The following RABL3 variants were observed in gnomAD, a reference collection of about 807,000 sequenced individuals.
RABL3 encodes the protein RAB, member of RAS oncogene family like 3.
In RABL3, 31 loss-of-function variants were observed where a neutral mutation model predicts 31.8. The observed-to-expected ratio is 0.97, with a 90% CI of 0.73 to 1.31. The LOEUF is 1.31. Among genes scored for constraint, RABL3 ranks in the 40% most tolerant of loss-of-function variants. The pLI, the probability that RABL3 is intolerant of heterozygous loss-of-function variation, is 0.00. For missense variants in RABL3, 263 were observed against 279.6 expected (o/e 0.94, Z 0.42); for synonymous variants, 97 against 99.9 (o/e 0.97, Z 0.18).
At chr3:120,702,776 C>T (rs1486904386) in intron 4 of RABL3, among the ~76,000 whole-genome samples, 1 of 152,092 alleles carries the variant, frequency 6.6e-6, no homozygotes, top group Non-Finnish European at 1.5e-5. Flanking sequence ...CCAGGATGGT[C>T]TCGATCTCCT....
intron 1 of RABL3, among the ~76,000 whole-genome samples, chr3:120,735,829 T>C (rs1708953889): frequency 6.6e-6 from 1 of 152,178 alleles, no homozygotes; most frequent in Non-Finnish European, 1.5e-5. Flanking sequence ...GAGTAGGTTG[T>C]TCAGTTTCCA....
At chr3:120,740,475 G>A (rs1252866351) in intron 1 of RABL3, among the ~76,000 whole-genome samples, 1 of 152,088 alleles carries the variant, frequency 6.6e-6, no homozygotes, top group Non-Finnish European at 1.5e-5. Flanking sequence ...ATGTTGCCCA[G>A]GCTAGTCTTG....
At chr3:120,705,949 A>C (rs368941948) in intron 4 of RABL3, 51 bp downstream of exon 4, 5 of 1,045,238 alleles carry the variant, frequency 4.8e-6, no homozygotes, top group Non-Finnish European at 7.6e-6. Flanking sequence ...TCAGGGAAGT[A>C]CATTCCTGTG....
chr3:120,691,136 A>T (rs1708375508), intron 6 of RABL3, among the ~76,000 whole-genome samples: 1 of 152,192 alleles, frequency 6.6e-6, no homozygotes, highest in Admixed American at 6.5e-5. Context: ...CATCACCATT[A>T]TTGAAAAGAA....
chr3:120,730,171 G>C (rs779770553), intron 2 of RABL3, among the ~76,000 whole-genome samples: 1 of 152,210 alleles, frequency 6.6e-6, no homozygotes, highest in African/African-American at 2.4e-5. Context: ...TCAAAGGAGA[G>C]AGGTGTGCCA....
intron 1 of RABL3, among the ~76,000 whole-genome samples, chr3:120,734,051 C>T (rs4676827): frequency 0.74 from 112,601 of 152,044 alleles, 42,581 homozygotes; most frequent in East Asian, 0.97. Flanking sequence ...TTTGGTTCCA[C>T]GTGAACTTTA....
chr3:120,731,936 G>A (rs1260451543), intron 1 of RABL3, among the ~76,000 whole-genome samples: 2 of 152,116 alleles, frequency 1.3e-5, no homozygotes, highest in African/African-American at 2.4e-5. Context: ...GCCTGCGTCT[G>A]TAGTCCTAGC....
At position 120,705,938 on chromosome 3, in the gene RABL3, T is replaced by C. The variant is rs566375676; in HGVS notation, c.383+62A>G. The C allele has an allele frequency of 1.0e-5, 10 of 955,334 alleles. No individual in the cohort carries two copies. The African/African-American group carries it at 1.1e-4, about 11-fold the overall frequency. The allele number at this position is 955,334 out of a possible 1,614,324, so 59.2% of individuals were successfully genotyped here. ...AAATCAAACATTTTACAAAGTGTTA[T>C]TCAGGGAAGTACATTCCTGTGATTG... On this transcript the variant is annotated intron_variant, in intron 4 of 7. Transcript: ENST00000273375.
At position 120,685,432 on chromosome 3, in the gene RABL3, GA is replaced by G. The variant is rs1361231429; in HGVS notation, c.*4390del. 6.6e-6 allele frequency among the ~76,000 whole-genome samples: 1 copy of G among 152,192 alleles called. No individual in the cohort carries two copies. Among genetic ancestry groups the G allele is most frequent in the African/African-American group, 2.4e-5 (1 of 41,456 alleles). On this transcript the variant is annotated 3_prime_UTR_variant, in exon 8 of 8. Transcript: ENST00000273375. ...TAAAGCTTAGTGATTAGCCAGCTGA[GA>G]AAACACAGTACTAGAGAGGGGGCTG...
chr3:120,723,777 T>A (rs986891509), intron 2 of RABL3, among the ~76,000 whole-genome samples: 7 of 152,082 alleles, frequency 4.6e-5, no homozygotes, highest in Non-Finnish European at 1.0e-4. Context: ...CTCAATAAAT[T>A]AGGTATTGAT....
chr3:120,717,843 T>TA (rs1042304544), intron 2 of RABL3, among the ~76,000 whole-genome samples: 1 of 152,164 alleles, frequency 6.6e-6, no homozygotes, highest in African/African-American at 2.4e-5. Context: ...AACTAACTAG[T>TA]AATCTCATGT....
rs1265592282 is a variant in RABL3, at chr3:120,689,154, C to T, written c.*669G>A. ...TTTTTCACATCATTTTACCAGAATT[C>T]TTTTTTTCTGGTATTGCTGTTCTCT... On this transcript the variant is annotated 3_prime_UTR_variant, in exon 8 of 8. Transcript: ENST00000273375. 6.6e-6 allele frequency: 1 copy of T among 152,042 alleles called. No individual in the cohort carries two copies. Among genetic ancestry groups the T allele is most frequent in the Non-Finnish European group, 1.5e-5 (1 of 68,006 alleles). 9.4% of individuals were successfully genotyped at this position (152,042 alleles called of 1,614,324 possible).
chr3:120,742,120 C>T (rs1224558834), intron 1 of RABL3, among the ~76,000 whole-genome samples: 2 of 151,584 alleles, frequency 1.3e-5, no homozygotes, highest in African/African-American at 4.9e-5. Context: ...CTTCTGTACC[C>T]TTAACATAGA....
intron 2 of RABL3, among the ~76,000 whole-genome samples, chr3:120,725,763 C>T (rs1215883271): frequency 6.6e-6 from 1 of 152,120 alleles, no homozygotes; most frequent in Non-Finnish European, 1.5e-5. Flanking sequence ...CACATGGACA[C>T]AGGAAGGCGA....
At chr3:120,713,177 C>T (rs1708631313) in intron 2 of RABL3, among the ~76,000 whole-genome samples, 1 of 152,206 alleles carries the variant, frequency 6.6e-6, no homozygotes, top group African/African-American at 2.4e-5. Context: ...TTAGCCAGCA[C>T]CTTTCAGGCT....
chr3:120,732,494 T>C (rs568623832), intron 1 of RABL3, among the ~76,000 whole-genome samples: 357 of 152,348 alleles, frequency 2.3e-3, no homozygotes, highest in Non-Finnish European at 4.1e-3. Flanking sequence ...AATGATGCCA[T>C]CTGTTGATTT....
chr3:120,730,787 C>A lies in RABL3; in HGVS notation c.47G>T (p.Gly16Val), dbSNP rs749749525. 6.8e-6 allele frequency: 11 copies of A among 1,606,508 alleles called. No homozygotes were observed. The highest frequency in any genetic ancestry group is 2.6e-6 in the Non-Finnish European group (3 of 1,173,274). ...RVKVLVLGDS[G>V]VGKSSLVHLL... is the part of the protein sequence containing the mutation. ...ATGGACTAACGAAGATTTCCCAACA[C>A]CTGTAAGAGATACAAGAACTCTAGT... is the stretch of plus-strand genomic sequence containing the variant. Residue 16 changes from glycine to valine, a missense_variant and splice_region_variant, in exon 2 of 8, where the codon GGT becomes GTT. Transcript: ENST00000273375.
chr3:120,737,081 C>T (rs964676575), intron 1 of RABL3, among the ~76,000 whole-genome samples: 19 of 152,158 alleles, frequency 1.2e-4, no homozygotes, highest in African/African-American at 2.4e-4. Flanking sequence ...TGCCTTGCTA[C>T]GTTGGGGAAC....
intron 2 of RABL3, among the ~76,000 whole-genome samples, chr3:120,728,506 A>G (rs1429558191): frequency 6.6e-6 from 1 of 152,156 alleles, no homozygotes; most frequent in East Asian, 1.9e-4. Context: ...AGAACTTGCT[A>G]TTGGGTCTCC....
Sources: allele counts gnomAD v4.1 joint callset (sites outside exome capture counted in the v4.1 genomes callset), GRCh38; gene constraint gnomAD v4.1.1; transcripts MANE v1.5; gene names NCBI Gene and HGNC (gene_info 2026-07-23, HGNC 2026-07-21).